NMNAT3: variants seen among roughly 807,000 people sequenced by gnomAD.
NMNAT3 encodes the protein nicotinamide/nicotinic acid mononucleotide adenylyltransferase 3.
A neutral mutation model predicts 24.8 loss-of-function variants in NMNAT3; 21 were observed. That is an observed-to-expected ratio of 0.85 (90% CI 0.60 to 1.22). The LOEUF is 1.22. Ranked by LOEUF, NMNAT3 falls within the 50% of genes most tolerant of loss-of-function variation. The probability of loss-of-function intolerance (pLI) is 0.00; values close to 1 mark genes in which losing one functional copy is unlikely to be tolerated. For synonymous variants in NMNAT3, 136 were observed against 155.2 expected (o/e 0.88, Z 0.92); for missense variants, 387 against 436.6 (o/e 0.89, Z 1.01).
At chr3:139,658,445 G>A (rs1167964192) in intron 1 of NMNAT3, among the ~76,000 whole-genome samples, 1 of 152,174 alleles carries the variant, frequency 6.6e-6, no homozygotes, top group African/African-American at 2.4e-5. Context: ...CTCTGGGGTG[G>A]CAAAAACTCA....
At chr3:139,647,430 T>C (rs1370767073) in intron 1 of NMNAT3, among the ~76,000 whole-genome samples, 3 of 152,158 alleles carry the variant, frequency 2.0e-5, no homozygotes, top group Non-Finnish European at 4.4e-5. Flanking sequence ...TCAAACTAGG[T>C]TGAATAATGT....
chr3:139,640,759 C>T (rs532430216), intron 1 of NMNAT3, among the ~76,000 whole-genome samples: 2 of 152,298 alleles, frequency 1.3e-5, no homozygotes, highest in Admixed American at 6.5e-5. Context: ...TCTCCAATTT[C>T]GTGTAATATA....
At chr3:139,591,902 A>T (rs553136134) in intron 3 of NMNAT3, among the ~76,000 whole-genome samples, 1 of 149,958 alleles carries the variant, frequency 6.7e-6, no homozygotes, top group Non-Finnish European at 1.5e-5. Flanking sequence ...AACTCTAAAA[A>T]TCAGAGCGCC....
intron 3 of NMNAT3, among the ~76,000 whole-genome samples, chr3:139,600,664 C>T (rs2054673929): frequency 6.6e-6 from 1 of 152,158 alleles, no homozygotes; most frequent in Non-Finnish European, 1.5e-5. Context: ...AAATTGATGC[C>T]TGCCACCACA....
At chr3:139,676,107 ACCCTCT>A (rs1264527306) in intron 1 of NMNAT3, among the ~76,000 whole-genome samples, 1 of 151,890 alleles carries the variant, frequency 6.6e-6, no homozygotes, top group Non-Finnish European at 1.5e-5. Context: ...TCCCTCCAAC[ACCCTCT>A]GTTAACATCA....
intron 1 of NMNAT3, among the ~76,000 whole-genome samples, chr3:139,665,569 G>A (rs552768481): frequency 2.0e-5 from 3 of 152,274 alleles, no homozygotes; most frequent in Admixed American, 6.5e-5. Flanking sequence ...CTTGAGGAAG[G>A]CTTCCTAATT....
intron 3 of NMNAT3, among the ~76,000 whole-genome samples, chr3:139,596,961 TA>T (rs1391280693): frequency 3.4e-4 from 38 of 112,574 alleles, no homozygotes; most frequent in African/African-American, 7.9e-4. Context: ...TATATATATA[TA>T]TATTTTTATT....
chr3:139,634,892 T>A (rs1006578616), intron 2 of NMNAT3: 38 of 152,198 alleles, frequency 2.5e-4, no homozygotes, highest in African/African-American at 9.2e-4. Flanking sequence ...GCTAAAAACT[T>A]CACACACATC....
rs115867486 is a variant in NMNAT3, at chr3:139,601,248, G to A, written c.110-18040C>T. Among the ~76,000 whole-genome samples, 355 of 152,242 alleles carry A rather than the reference G, an allele frequency of 2.3e-3. 2 individuals carry two copies. Among genetic ancestry groups the A allele is most frequent in the African/African-American group, 8.2e-3 (342 of 41,534 alleles). On this transcript the variant is annotated intron_variant, in intron 3 of 6. Coordinates refer to ENST00000643695, the MANE Select transcript of NMNAT3 (RefSeq NM_001320510.2). Reference sequence around the variant, plus strand: ...GCCTGGGCAATCTGTTACTTCAACTGTCCTTTCAAGCCAGGCTTTGCAGTA... The same window carrying A: ...GCCTGGGCAATCTGTTACTTCAACTATCCTTTCAAGCCAGGCTTTGCAGTA...
At chr3:139,586,140 C>T (rs942441048) in intron 3 of NMNAT3, among the ~76,000 whole-genome samples, 9 of 152,112 alleles carry the variant, frequency 5.9e-5, no homozygotes, top group Non-Finnish European at 1.2e-4. Flanking sequence ...AAACCAATAC[C>T]GCATGTTCTC....
At chr3:139,576,143 TATC>T in intron 5 of NMNAT3, 1 of 1,166,190 alleles carries the variant, frequency 8.6e-7, no homozygotes, top group Non-Finnish European at 1.1e-6. Flanking sequence ...CTACGGACTT[TATC>T]AAGAGGACAC....
intron 3 of NMNAT3, among the ~76,000 whole-genome samples, chr3:139,613,713 T>C (rs553238845): frequency 5.3e-5 from 8 of 152,138 alleles, no homozygotes; most frequent in African/African-American, 1.7e-4. Flanking sequence ...CTATTCACAA[T>C]AGCAAAGACT....
At chr3:139,629,070 A>G (rs2056179047) in intron 2 of NMNAT3, among the ~76,000 whole-genome samples, 1 of 152,172 alleles carries the variant, frequency 6.6e-6, no homozygotes, top group Non-Finnish European at 1.5e-5. Context: ...GTATAGGCTG[A>G]AACTTGCTTA....
intron 1 of NMNAT3, among the ~76,000 whole-genome samples, chr3:139,668,854 G>C (rs896017818): frequency 6.6e-6 from 1 of 152,158 alleles, no homozygotes; most frequent in Non-Finnish European, 1.5e-5. Flanking sequence ...CCAGGTATTT[G>C]TCATCTCAGT....
chr3:139,576,137 G>A lies in NMNAT3; in HGVS notation c.576-2457C>T, dbSNP rs74909049. 6.5e-4 allele frequency: 778 copies of A among 1,189,308 alleles called. 4 individuals carry two copies. In the African/African-American group the frequency reaches 0.011, roughly 16 times the overall value. 73.7% of individuals were successfully genotyped at this position (1,189,308 alleles called of 1,614,324 possible). On this transcript the variant is annotated intron_variant, in intron 5 of 6. Coordinates refer to ENST00000643695, the MANE Select transcript of NMNAT3 (RefSeq NM_001320510.2). ...TGTCACTATGATGCAGATTCACTACGGACTTTATCAAGAGGACACTAAATG... is the reference window on the plus strand; with the variant it reads ...TGTCACTATGATGCAGATTCACTACAGACTTTATCAAGAGGACACTAAATG...
intron 3 of NMNAT3, among the ~76,000 whole-genome samples, chr3:139,614,475 C>T (rs1343083181): frequency 3.9e-5 from 6 of 152,244 alleles, no homozygotes; most frequent in Non-Finnish European, 8.8e-5. Context: ...CTTGGGCCCA[C>T]AGACCTGGGT....
At chr3:139,574,623 G>C (rs1308996974) in intron 5 of NMNAT3, among the ~76,000 whole-genome samples, 1 of 152,134 alleles carries the variant, frequency 6.6e-6, no homozygotes, top group Non-Finnish European at 1.5e-5. Context: ...GTAGTGCCTG[G>C]TGGGAAAAGC....
Position 139,603,130 on chromosome 3 carries a change from C to T in NMNAT3, c.110-19922G>A, listed in dbSNP as rs574264465. Among the ~76,000 whole-genome samples, 13 of 152,286 alleles carry T rather than the reference C, an allele frequency of 8.5e-5. No homozygotes were observed. The East Asian group carries it at 1.2e-3, about 14-fold the overall frequency. The stretch of plus-strand genomic sequence containing the variant: ...AGTGATCAAATATGTTTGGGAAACA[C>T]GAGGGCAAACAAAGTGAAACAGACT... On this transcript the variant is annotated intron_variant, in intron 3 of 6. Coordinates refer to ENST00000643695, the MANE Select transcript of NMNAT3 (RefSeq NM_001320510.2).
intron 1 of NMNAT3, among the ~76,000 whole-genome samples, chr3:139,638,313 T>C (rs748919624): frequency 1.3e-5 from 2 of 152,154 alleles, no homozygotes; most frequent in Non-Finnish European, 2.9e-5. Flanking sequence ...CCCACCTTAG[T>C]GGTAATATTT....
Sources: allele counts gnomAD v4.1 joint callset (sites outside exome capture counted in the v4.1 genomes callset), GRCh38; gene constraint gnomAD v4.1.1; transcripts MANE v1.5; gene names NCBI Gene and HGNC (gene_info 2026-07-23, HGNC 2026-07-21).